Variants in LDLRAD3 observed in about 807,000 individuals in gnomAD.
LDLRAD3 encodes low-density lipoprotein receptor class A domain-containing protein 3.
In LDLRAD3, 20 loss-of-function variants were observed where a neutral mutation model predicts 29.4. That is an observed-to-expected ratio of 0.68 (90% CI 0.48 to 0.99). The LOEUF (loss-of-function observed/expected upper bound fraction) is 0.99, where lower values mean the gene tolerates loss of function less well. Ranked by LOEUF, LDLRAD3 falls within the 50% of genes least tolerant of loss-of-function variation. The pLI is 0.00. For synonymous variants in LDLRAD3, 157 were observed against 192.7 expected (o/e 0.81, Z 1.53); for missense variants, 420 against 454.3 (o/e 0.92, Z 0.69).
At chr11:36,153,851 A>C (rs2133330271) in intron 4 of LDLRAD3, among the ~76,000 whole-genome samples, 1 of 152,188 alleles carries the variant, frequency 6.6e-6, no homozygotes, top group Non-Finnish European at 1.5e-5. Flanking sequence ...AACAGGATAA[A>C]TCATGTGCAA....
intron 1 of LDLRAD3, among the ~76,000 whole-genome samples, chr11:35,989,719 G>A (rs7944072): frequency 0.37 from 56,303 of 151,966 alleles, 10,824 homozygotes; most frequent in East Asian, 0.57. Context: ...GTTATTGGTG[G>A]GTAGAAATGC....
chr11:36,202,690 T>C (rs868162503), intron 4 of LDLRAD3, among the ~76,000 whole-genome samples: 6 of 152,100 alleles, frequency 3.9e-5, no homozygotes, highest in Admixed American at 3.3e-4. Flanking sequence ...AGGAAATTAT[T>C]ATAAGTCCCC....
chr11:36,062,596 C>T (rs970730431), intron 2 of LDLRAD3, among the ~76,000 whole-genome samples: 2 of 152,202 alleles, frequency 1.3e-5, no homozygotes, highest in African/African-American at 2.4e-5. Context: ...ATAATCCCCA[C>T]GTCATGGGAG....
intron 2 of LDLRAD3, among the ~76,000 whole-genome samples, chr11:36,054,853 A>ATGCC (rs1178842465): frequency 4.1e-5 from 6 of 146,530 alleles, no homozygotes; most frequent in Non-Finnish European, 6.0e-5. Context: ...GGATGGATGG[A>ATGCC]TGGATGGATG....
chr11:36,094,610 A>G (rs1298232719), intron 3 of LDLRAD3, among the ~76,000 whole-genome samples: 2 of 152,142 alleles, frequency 1.3e-5, no homozygotes, highest in Non-Finnish European at 2.9e-5. Flanking sequence ...GACTCGGCTC[A>G]TTTCAACTTC....
chr11:36,189,056 T>G (rs1450503088), intron 4 of LDLRAD3, among the ~76,000 whole-genome samples: 1 of 152,164 alleles, frequency 6.6e-6, no homozygotes, highest in African/African-American at 2.4e-5. Context: ...TTGTACAATT[T>G]GGGTTTTTCA....
intron 4 of LDLRAD3, among the ~76,000 whole-genome samples, chr11:36,170,654 C>A (rs1854585608): frequency 6.6e-6 from 1 of 152,180 alleles, no homozygotes; most frequent in South Asian, 2.1e-4. Flanking sequence ...TCACCACATT[C>A]ATGCCAACAT....
chr11:35,952,607 G>T (rs1405319256), intron 1 of LDLRAD3, among the ~76,000 whole-genome samples: 2 of 152,156 alleles, frequency 1.3e-5, no homozygotes, highest in African/African-American at 4.8e-5. Flanking sequence ...ATTAATGATA[G>T]AGATAATTCT....
At chr11:36,225,072 C>A (rs1042189692) in intron 4 of LDLRAD3, among the ~76,000 whole-genome samples, 1 of 152,114 alleles carries the variant, frequency 6.6e-6, no homozygotes, top group Non-Finnish European at 1.5e-5. Flanking sequence ...CAGCAGTGAA[C>A]AAAACAGACG....
chr11:36,030,548 C>T (rs942568741), intron 1 of LDLRAD3, among the ~76,000 whole-genome samples: 2 of 152,038 alleles, frequency 1.3e-5, no homozygotes, highest in Non-Finnish European at 2.9e-5. Flanking sequence ...TTTGTTGGCA[C>T]TGGGCAGTGG....
At chr11:35,969,430 T>G (rs922029368) in intron 1 of LDLRAD3, among the ~76,000 whole-genome samples, 2 of 152,234 alleles carry the variant, frequency 1.3e-5, no homozygotes, top group Non-Finnish European at 2.9e-5. Context: ...CTGCAGAAGC[T>G]TATGACTTAA....
chr11:36,039,989 T>G (rs1298607757), intron 2 of LDLRAD3, among the ~76,000 whole-genome samples: 1 of 152,152 alleles, frequency 6.6e-6, no homozygotes, highest in Admixed American at 6.5e-5. Flanking sequence ...TCTGCCGCCT[T>G]CCCGGAGGGA....
At chr11:36,076,885 C>T (rs1030429236) in intron 2 of LDLRAD3, among the ~76,000 whole-genome samples, 4 of 152,028 alleles carry the variant, frequency 2.6e-5, no homozygotes, top group African/African-American at 9.6e-5. Flanking sequence ...AGTCAACATA[C>T]TGTTTTCCTG....
chr11:36,162,942 T>C (rs1253995373), intron 4 of LDLRAD3, among the ~76,000 whole-genome samples: 2 of 152,222 alleles, frequency 1.3e-5, no homozygotes, highest in Admixed American at 1.3e-4. Context: ...GCTCAGCAGC[T>C]GTGATGTTCA....
At position 36,231,493 on chromosome 11, in the gene LDLRAD3, C is replaced by T. The variant is rs1855575259; in HGVS notation, c.*2096C>T. On this transcript the variant is annotated 3_prime_UTR_variant, in exon 6 of 6. Transcript: ENST00000315571. ...GGCTTTATTTCTCCCTTTGATGGGG[C>T]CCCTTCTTCTTTCTGGTGCTCTGGA... The T allele has an allele frequency of 6.6e-6, 1 of 152,116 alleles. No individual in the cohort carries two copies. Among genetic ancestry groups the T allele is most frequent in the Non-Finnish European group, 1.5e-5 (1 of 68,020 alleles). The allele number at this position is 152,116 out of a possible 1,614,324, so 9.4% of individuals were successfully genotyped here.
rs138655769 is a variant in LDLRAD3 at position 35,980,532 on chromosome 11, A to G, written c.46+36388A>G. Among the ~76,000 whole-genome samples, 11 of 152,336 alleles carry G rather than the reference A, an allele frequency of 7.2e-5. No homozygotes were observed. The East Asian group carries it at 1.3e-3, about 19-fold the overall frequency. ...TGTTAAAGTTTGGGAGAATGACACT[A>G]TGAGAAATATTATTTTATTAATGAG... On this transcript the variant is annotated intron_variant, in intron 1 of 5. Transcript: ENST00000315571.
chr11:35,947,378 C>T (rs185485958), intron 1 of LDLRAD3, among the ~76,000 whole-genome samples: 25 of 151,978 alleles, frequency 1.6e-4, no homozygotes, highest in Admixed American at 6.6e-4. Flanking sequence ...GGTGTGGTGA[C>T]GTGCGCCTGT....
chr11:36,092,704 C>G (rs1853301788), intron 3 of LDLRAD3, among the ~76,000 whole-genome samples: 1 of 152,190 alleles, frequency 6.6e-6, no homozygotes, highest in Non-Finnish European at 1.5e-5. Context: ...TGGCATCCCC[C>G]TCCCTTTTTA....
chr11:36,098,607 A>T, intron 4 of LDLRAD3, 146 bp downstream of exon 4: 1 of 864,096 alleles, frequency 1.2e-6, no homozygotes, highest in Non-Finnish European at 1.8e-6. Flanking sequence ...GCCCTTGTAC[A>T]GGTAGGTACC....
Sources: allele counts gnomAD v4.1 joint callset (sites outside exome capture counted in the v4.1 genomes callset), GRCh38; gene constraint gnomAD v4.1.1; transcripts MANE v1.5; gene names NCBI Gene and HGNC (gene_info 2026-07-23, HGNC 2026-07-21).